FHOD3: variants seen among roughly 807,000 people sequenced by gnomAD.
FHOD3 encodes FH1/FH2 domain-containing protein 3.
A neutral mutation model predicts 173.0 loss-of-function variants in FHOD3; 90 were observed. The ratio of observed to expected loss-of-function variants is 0.52; its 90% CI spans 0.44 to 0.62. The LOEUF (loss-of-function observed/expected upper bound fraction) is 0.62. FHOD3 is among the 20% of genes least tolerant of loss of function. The pLI is 0.00. For missense variants in FHOD3, 1,945 were observed against 2,034.7 expected (o/e 0.96, Z 0.85); for synonymous variants, 828 against 823.0 (o/e 1.01, Z -0.10).
intron 3 of FHOD3, among the ~76,000 whole-genome samples, chr18:36,467,949 T>G (rs11872827): frequency 0.16 from 23,645 of 152,208 alleles, 2,008 homozygotes; most frequent in East Asian, 0.29. Flanking sequence ...AGAAACGAAA[T>G]GCCAAGAAAG....
intron 2 of FHOD3, among the ~76,000 whole-genome samples, chr18:36,367,857 G>A (rs2046973836): frequency 6.6e-6 from 1 of 152,104 alleles, no homozygotes; most frequent in African/African-American, 2.4e-5. Context: ...ATGATAGTGA[G>A]TGAATTCTCA....
intron 6 of FHOD3, among the ~76,000 whole-genome samples, chr18:36,589,870 G>C (rs1436788971): frequency 6.6e-6 from 1 of 152,118 alleles, no homozygotes; most frequent in African/African-American, 2.4e-5. Context: ...AATTCCAATT[G>C]ATTTCTCTCG....
intron 4 of FHOD3, among the ~76,000 whole-genome samples, chr18:36,507,999 A>G (rs1270842334): frequency 6.6e-6 from 1 of 152,218 alleles, no homozygotes; most frequent in Admixed American, 6.5e-5. Flanking sequence ...ACTTAAAAAC[A>G]CTGTAATTTG....
intron 3 of FHOD3, among the ~76,000 whole-genome samples, chr18:36,385,122 G>C (rs1316709142): frequency 6.6e-6 from 1 of 152,148 alleles, no homozygotes; most frequent in Non-Finnish European, 1.5e-5. Context: ...TCACAGAATT[G>C]TATTAACTAT....
At chr18:36,335,444 G>A (rs1362565921) in intron 1 of FHOD3, among the ~76,000 whole-genome samples, 31 of 150,354 alleles carry the variant, frequency 2.1e-4, no homozygotes, top group Admixed American at 4.0e-4. Context: ...GCAGTGAGCC[G>A]AGATCGCGCC....
intron 24 of FHOD3, among the ~76,000 whole-genome samples, chr18:36,753,473 A>G (rs540627885): frequency 6.6e-6 from 1 of 152,220 alleles, no homozygotes; most frequent in Admixed American, 6.5e-5. Flanking sequence ...TTCCATGGAC[A>G]TTTGGGTTGT....
chr18:36,312,468 C>T (rs1396479348), intron 1 of FHOD3, among the ~76,000 whole-genome samples: 8 of 152,278 alleles, frequency 5.3e-5, no homozygotes, highest in African/African-American at 1.9e-4. Flanking sequence ...GACGTCCCAA[C>T]AGGCATTGAA....
At chr18:36,348,594 C>T (rs545058610) in intron 1 of FHOD3, among the ~76,000 whole-genome samples, 1 of 152,130 alleles carries the variant, frequency 6.6e-6, no homozygotes. Context: ...TTTGGGACTT[C>T]GTGTGTTCTT....
At chr18:36,578,428 T>A (rs1205140088) in intron 6 of FHOD3, among the ~76,000 whole-genome samples, 1 of 152,160 alleles carries the variant, frequency 6.6e-6, no homozygotes, top group Non-Finnish European at 1.5e-5. Flanking sequence ...ACTGGGTCCC[T>A]CCCATGACAT....
chr18:36,406,220 A>G (rs984615184), intron 3 of FHOD3, among the ~76,000 whole-genome samples: 1 of 152,110 alleles, frequency 6.6e-6, no homozygotes, highest in Non-Finnish European at 1.5e-5. Flanking sequence ...CACCTGTCAC[A>G]CTGATATGGC....
chr18:36,626,217 T>A (rs957148118), intron 10 of FHOD3, among the ~76,000 whole-genome samples: 3 of 152,208 alleles, frequency 2.0e-5, no homozygotes, highest in African/African-American at 7.2e-5. Flanking sequence ...GCTGTCTCTA[T>A]ATATTTCAGT....
chr18:36,345,914 A>G (rs2145577439), intron 1 of FHOD3, among the ~76,000 whole-genome samples: 1 of 152,346 alleles, frequency 6.6e-6, no homozygotes. Context: ...AAAAACGGGA[A>G]TACCACTACC....
chr18:36,587,274 G>A (rs1264488001), intron 6 of FHOD3, among the ~76,000 whole-genome samples: 1 of 152,112 alleles, frequency 6.6e-6, no homozygotes, highest in Non-Finnish European at 1.5e-5. Flanking sequence ...TTTTGCATGA[G>A]AGTTAGATGA....
chr18:36,348,272 G>A (rs1025751481), intron 1 of FHOD3, among the ~76,000 whole-genome samples: 30 of 152,306 alleles, frequency 2.0e-4, no homozygotes, highest in Admixed American at 2.0e-4. Context: ...TTTGAGGGGG[G>A]AAACAGGCAT....
intron 5 of FHOD3, among the ~76,000 whole-genome samples, chr18:36,570,884 A>G (rs189142412): frequency 6.6e-6 from 1 of 152,232 alleles, no homozygotes; most frequent in Non-Finnish European, 1.5e-5. Context: ...ATAAAAGACA[A>G]TTTACAAAAA....
At chr18:36,609,194 G>T (rs2032400610) in intron 8 of FHOD3, among the ~76,000 whole-genome samples, 1 of 152,210 alleles carries the variant, frequency 6.6e-6, no homozygotes. Context: ...GTGTCTGAGG[G>T]TGAAGGCATC....
intron 3 of FHOD3, among the ~76,000 whole-genome samples, chr18:36,445,073 A>T (rs535252472): frequency 3.9e-5 from 6 of 152,226 alleles, no homozygotes; most frequent in Non-Finnish European, 8.8e-5. Flanking sequence ...TGATCTATGT[A>T]TGTCCAGGTA....
At chr18:36,610,182 G>T (rs1169637347) in intron 8 of FHOD3, among the ~76,000 whole-genome samples, 1 of 152,234 alleles carries the variant, frequency 6.6e-6, no homozygotes, top group East Asian at 1.9e-4. Flanking sequence ...GATGCTAGAT[G>T]TCCCTTCACC....
At position 36,297,946 on chromosome 18, in the gene FHOD3, C is replaced by T; in HGVS notation, c.111C>T (p.Leu37=). 1 of 1,565,844 alleles carries T rather than the reference C, an allele frequency of 6.4e-7. No homozygotes were observed. The highest frequency in any genetic ancestry group is 1.2e-5 in the South Asian group (1 of 84,530). ...RPPLFTFRED[L]ALGTQLAGVH... Reference sequence around the variant, plus strand: ...CGCTGTTCACGTTCCGCGAGGACCTCGCGCTCGGCACCCAGCTGGCGGGGG... The same window carrying T: ...CGCTGTTCACGTTCCGCGAGGACCTTGCGCTCGGCACCCAGCTGGCGGGGG... The change falls in exon 1 of 29, where the codon CTC becomes CTT. Residue 37 remains leucine, a synonymous_variant. Coordinates refer to ENST00000590592, the MANE Select transcript of FHOD3 (RefSeq NM_001281740.3).
Sources: allele counts gnomAD v4.1 joint callset (sites outside exome capture counted in the v4.1 genomes callset), GRCh38; gene constraint gnomAD v4.1.1; transcripts MANE v1.5; gene names NCBI Gene and HGNC (gene_info 2026-07-23, HGNC 2026-07-21).